IBTK: variants seen among roughly 807,000 people sequenced by gnomAD.
IBTK encodes inhibitor of Bruton tyrosine kinase, also known as BTK-binding protein.
A neutral mutation model predicts 154.9 loss-of-function variants in IBTK; 83 were observed. That is an observed-to-expected ratio of 0.54 (90% CI 0.45 to 0.64). IBTK has a LOEUF of 0.64. Among genes scored for constraint, IBTK ranks in the 30% least tolerant of loss-of-function variants. IBTK has a pLI of 0.00. For missense variants in IBTK, 1,332 were observed against 1,584.6 expected, an observed-to-expected ratio of 0.84 and a Z score of 2.71; for synonymous variants, 515 against 536.1, an observed-to-expected ratio of 0.96 and a Z score of 0.54.
chr6:82,189,358 T>C (rs1450579488), intron 25 of IBTK, among the ~76,000 whole-genome samples: 4 of 152,136 alleles, frequency 2.6e-5, no homozygotes, highest in Non-Finnish European at 5.9e-5. Context: ...TTAAATGGCA[T>C]TGAATAAATT....
In IBTK at chr6:82,214,161, G is replaced by A. The variant is rs538740559; in HGVS notation, c.2204+66C>T. 58 of 1,447,412 alleles carry A rather than the reference G, an allele frequency of 4.0e-5. No homozygotes were observed. In the African/African-American group the frequency reaches 6.0e-4, roughly 15 times the overall value. The allele number at this position is 1,447,412 out of a possible 1,614,324, so 89.7% of individuals were successfully genotyped here. ...TAGTAGAGATGGGGTTTCACAGTAAGGGTGGGAAATTTTTTAAAGGAGGAC... is the reference window on the plus strand; with the variant it reads ...TAGTAGAGATGGGGTTTCACAGTAAAGGTGGGAAATTTTTTAAAGGAGGAC... On this transcript the variant is annotated intron_variant, in intron 12 of 28. Transcript: ENST00000306270.
At position 82,247,607 on chromosome 6, in the gene IBTK, T is replaced by G. The variant is rs1020444226; in HGVS notation, c.-403A>C. ...GCCGGTGGATTCCGCAGGGTCCACA[T>G]AGAGCCACAAAGGGACTCATCCTCA... On this transcript the variant is annotated 5_prime_UTR_variant, in exon 1 of 29. An upstream start codon of the reference 5' UTR is lost. Transcript: ENST00000306270. 2 of 398,750 alleles carry G rather than the reference T, an allele frequency of 5.0e-6. No homozygotes were observed. Among genetic ancestry groups the G allele is most frequent in the African/African-American group, 2.1e-5 (1 of 48,754 alleles). 24.7% of individuals were successfully genotyped at this position (398,750 alleles called of 1,614,324 possible). A position where few individuals can be genotyped will look rare whatever the true frequency, so the allele number is the denominator to read the frequency against.
chr6:82,208,426 G>A (rs1436461283), intron 16 of IBTK, among the ~76,000 whole-genome samples: 1 of 152,032 alleles, frequency 6.6e-6, no homozygotes, highest in Non-Finnish European at 1.5e-5. Flanking sequence ...TCCTAGATAT[G>A]ACACCAAAAA....
intron 25 of IBTK, among the ~76,000 whole-genome samples, chr6:82,187,476 C>T (rs963297392): frequency 6.6e-6 from 1 of 152,018 alleles, no homozygotes. Flanking sequence ...CTAAAGTGTA[C>T]AGCAAAGTAA....
chr6:82,209,923 TA>T (rs1340905233), intron 16 of IBTK, among the ~76,000 whole-genome samples: 1 of 152,184 alleles, frequency 6.6e-6, no homozygotes, highest in African/African-American at 2.4e-5. Flanking sequence ...TCTGTTGGAT[TA>T]TATTTGTTTT....
At chr6:82,191,622 C>G (rs1188207540) in intron 24 of IBTK, 165 bp downstream of exon 24, 2 of 692,718 alleles carry the variant, frequency 2.9e-6, no homozygotes, top group Admixed American at 4.1e-5. Flanking sequence ...ATCTTTAGCA[C>G]ATATTTAAGA....
In IBTK at chr6:82,212,510, T is replaced by C. The variant is rs1397965205; in HGVS notation, c.2291+197A>G. Among the ~76,000 whole-genome samples, 3 of 152,144 alleles carry C rather than the reference T, an allele frequency of 2.0e-5. No homozygotes were observed. The East Asian group carries it at 5.8e-4, about 29-fold the overall frequency. On this transcript the variant is annotated intron_variant, in intron 13 of 28. Transcript: ENST00000306270. ...AAGTCATCGGAAAGAAAAAACTCCTTTGATGTCTTCAGCAGTTAATATTTT... is the reference window on the plus strand; with the variant it reads ...AAGTCATCGGAAAGAAAAAACTCCTCTGATGTCTTCAGCAGTTAATATTTT...
At chr6:82,198,029 G>A (rs909765054) in intron 21 of IBTK, among the ~76,000 whole-genome samples, 2 of 152,138 alleles carry the variant, frequency 1.3e-5, no homozygotes, top group African/African-American at 2.4e-5. Flanking sequence ...CTGGAATCAA[G>A]AGAACAAATT....
chr6:82,218,025 G>A lies in IBTK; in HGVS notation c.1361C>T (p.Thr454Met), dbSNP rs1301751986. 4 of 1,610,798 alleles carry A rather than the reference G, an allele frequency of 2.5e-6. No individual in the cohort carries two copies. The highest frequency in any genetic ancestry group is 3.4e-6 in the Non-Finnish European group (4 of 1,178,452). The change falls in exon 10 of 29, where the codon ACG becomes ATG. Residue 454 changes from threonine to methionine, a missense_variant. Thr to Met is a moderately conservative substitution (Grantham distance 81). Coordinates refer to ENST00000306270, the MANE Select transcript of IBTK (RefSeq NM_015525.4). ...CCCTCTAAATCCTTCTCCATCTTGC[G>A]TAACAAATAGAATTTCATTTCTATT... ...ALNRNEILFVTQDGEGFRGRW... is the reference protein window; with the variant it reads ...ALNRNEILFVMQDGEGFRGRW...
At chr6:82,237,137 G>A (rs1770746063) in intron 2 of IBTK, among the ~76,000 whole-genome samples, 1 of 152,050 alleles carries the variant, frequency 6.6e-6, no homozygotes, top group African/African-American at 2.4e-5. Flanking sequence ...TCAAACTGTA[G>A]CCCTAAATGC....
At chr6:82,235,649 T>C (rs1421812966) in intron 2 of IBTK, among the ~76,000 whole-genome samples, 1 of 152,102 alleles carries the variant, frequency 6.6e-6, no homozygotes, top group Non-Finnish European at 1.5e-5. Context: ...TTCAAATCAG[T>C]TTATTTAGTT....
chr6:82,214,856 G>A, intron 11 of IBTK, 27 bp from the exon 12 acceptor site: 1 of 1,516,196 alleles, frequency 6.6e-7, no homozygotes, highest in South Asian at 1.4e-5. Context: ...AACAAATTAT[G>A]CTTCAAAAAA....
Position 82,191,530 on chromosome 6 carries a change from T to C in IBTK, c.3431+257A>G, listed in dbSNP as rs557595566. The C allele has an allele frequency of 1.2e-5, 7 of 576,144 alleles. No individual in the cohort carries two copies. In the East Asian group the frequency reaches 1.5e-4, roughly 12 times the overall value. The allele number at this position is 576,144 out of a possible 1,614,324, so 35.7% of individuals were successfully genotyped here. On this transcript the variant is annotated intron_variant, in intron 24 of 28. Coordinates refer to ENST00000306270, the MANE Select transcript of IBTK (RefSeq NM_015525.4). ...TTAACTCTTTGGCTTTTGTAGCCAATAGTCCACAATGATCATTTTAGAGTC... is the reference window on the plus strand; with the variant it reads ...TTAACTCTTTGGCTTTTGTAGCCAACAGTCCACAATGATCATTTTAGAGTC...
At chr6:82,222,942 C>G (rs1770153060) in intron 8 of IBTK, among the ~76,000 whole-genome samples, 1 of 151,298 alleles carries the variant, frequency 6.6e-6, no homozygotes, top group Admixed American at 6.6e-5. Context: ...TTTGCTTTGA[C>G]TTGACTAGTC....
At position 82,223,508 on chromosome 6, in the gene IBTK, T is replaced by A; in HGVS notation, c.1056A>T (p.Thr352=). Residue 352 remains threonine (T), a synonymous_variant, in exon 8 of 29, where the codon ACA becomes ACT. Transcript: ENST00000306270. ...LSLVAASDGA[T]VCVTTRGDIY... ...TATCTCCCCTTGTGGTAACACAGAC[T>A]GTAGCTCCATCACTTGCAGCAACCA... The A allele has an allele frequency of 8.1e-6, 13 of 1,614,150 alleles. No individual in the cohort carries two copies. The highest frequency in any genetic ancestry group is 1.0e-5 in the Non-Finnish European group (12 of 1,179,946).
intron 9 of IBTK, among the ~76,000 whole-genome samples, chr6:82,220,038 C>A (rs1305048732): frequency 6.6e-6 from 1 of 151,828 alleles, no homozygotes; most frequent in African/African-American, 2.4e-5. Context: ...GGCGAAACCC[C>A]GTCTCTACTA....
intron 2 of IBTK, among the ~76,000 whole-genome samples, chr6:82,237,629 TAGC>T (rs1562108729): frequency 6.8e-6 from 1 of 146,230 alleles, no homozygotes; most frequent in Non-Finnish European, 1.5e-5. Context: ...GTAGTAGTAG[TAGC>T]AGTAGTAGTA....
intron 21 of IBTK, among the ~76,000 whole-genome samples, chr6:82,198,227 T>C (rs974917133): frequency 3.9e-5 from 6 of 152,168 alleles, no homozygotes; most frequent in Non-Finnish European, 7.4e-5. Context: ...CCATAAGTCA[T>C]TTAGGTGACT....
Position 82,197,356 on chromosome 6 carries a change from C to T in IBTK, c.3026-910G>A, listed in dbSNP as rs890711540. ...AAAGAACATTTAAACATTTTTTTTG[C>T]CACACAATCTTTTTGAATTTTTTTT... is the stretch of plus-strand genomic sequence containing the variant. On this transcript the variant is annotated intron_variant, in intron 21 of 28. Coordinates refer to ENST00000306270, the MANE Select transcript of IBTK (RefSeq NM_015525.4). 5.4e-5 allele frequency among the ~76,000 whole-genome samples: 8 copies of T among 147,064 alleles called. No homozygotes were observed. In the South Asian group the frequency reaches 1.8e-3, roughly 32 times the overall value.
Sources: gnomAD v4.1 joint callset for allele counts (sites outside exome capture counted in the v4.1 genomes callset) on GRCh38, gnomAD v4.1.1 for gene constraint, MANE v1.5 for transcripts, NCBI Gene and HGNC (gene_info 2026-07-23, HGNC 2026-07-21) for gene names.